XKR6: variants seen among roughly 807,000 people sequenced by gnomAD.
The protein encoded by XKR6 is XK-related protein 6.
XKR6 carries 22 observed loss-of-function variants against 56.7 expected under a neutral mutation model. That is an observed-to-expected ratio of 0.39 (90% CI 0.28 to 0.55). The LOEUF is 0.55. Ranked by LOEUF, XKR6 falls within the 20% of genes least tolerant of loss-of-function variation. The pLI is 0.66. For missense variants in XKR6, 852 were observed against 889.0 expected (o/e 0.96, Z 0.53); for synonymous variants, 524 against 387.8 (o/e 1.35, Z -4.13).
At chr8:11,158,163 G>A (rs544261037) in intron 1 of XKR6, among the ~76,000 whole-genome samples, 3 of 152,174 alleles carry the variant, frequency 2.0e-5, no homozygotes, top group African/African-American at 4.8e-5. Flanking sequence ...AGTGGGGAAA[G>A]GCAATAATCA....
intron 1 of XKR6, among the ~76,000 whole-genome samples, chr8:11,142,714 T>C (rs964944995): frequency 6.6e-6 from 1 of 152,204 alleles, no homozygotes; most frequent in South Asian, 2.1e-4. Context: ...GCCATGCTTC[T>C]TGTACAGCCT....
At chr8:10,905,914 C>T (rs958025851) in intron 2 of XKR6, among the ~76,000 whole-genome samples, 6 of 152,150 alleles carry the variant, frequency 3.9e-5, no homozygotes, top group Non-Finnish European at 7.3e-5. Flanking sequence ...CTCCCGTCCT[C>T]GCCTTCCCAC....
intron 2 of XKR6, among the ~76,000 whole-genome samples, chr8:10,908,706 C>T (rs1800254284): frequency 6.6e-6 from 1 of 152,132 alleles, no homozygotes; most frequent in Admixed American, 6.5e-5. Context: ...TGAATGTGTC[C>T]CCCAAAAATT....
intron 1 of XKR6, among the ~76,000 whole-genome samples, chr8:11,087,286 C>A (rs879352237): frequency 6.6e-6 from 1 of 152,156 alleles, no homozygotes; most frequent in Non-Finnish European, 1.5e-5. Context: ...ATTGGTGAAC[C>A]GTCCACATGC....
intron 1 of XKR6, among the ~76,000 whole-genome samples, chr8:10,955,213 G>C (rs763635738): frequency 8.6e-5 from 13 of 151,854 alleles, no homozygotes; most frequent in Non-Finnish European, 1.8e-4. Context: ...TGTGATTATG[G>C]CAATGCAAGA....
chr8:11,060,850 T>G (rs150779879), intron 1 of XKR6, among the ~76,000 whole-genome samples: 1 of 152,238 alleles, frequency 6.6e-6, no homozygotes, highest in Non-Finnish European at 1.5e-5. Context: ...ATTCCAGTGA[T>G]AGCAAGTGTG....
intron 1 of XKR6, among the ~76,000 whole-genome samples, chr8:11,131,701 T>C (rs985220442): frequency 6.6e-6 from 1 of 152,176 alleles, no homozygotes; most frequent in Admixed American, 6.5e-5. Context: ...ACATATCTAA[T>C]GGTGGTCCCA....
At chr8:10,908,657 C>T (rs1237250426) in intron 2 of XKR6, among the ~76,000 whole-genome samples, 3 of 152,116 alleles carry the variant, frequency 2.0e-5, no homozygotes. Context: ...AGGCCCTCCC[C>T]GACCACCACA....
intron 1 of XKR6, among the ~76,000 whole-genome samples, chr8:10,997,240 A>G (rs1798134678): frequency 6.6e-6 from 1 of 152,182 alleles, no homozygotes; most frequent in Non-Finnish European, 1.5e-5. Flanking sequence ...TGCTCAGCCC[A>G]ACAACACACC....
At chr8:11,136,626 T>A (rs1800417391) in intron 1 of XKR6, among the ~76,000 whole-genome samples, 1 of 152,086 alleles carries the variant, frequency 6.6e-6, no homozygotes, top group African/African-American at 2.4e-5. Context: ...TGAGTGGGAT[T>A]AGTACCCTAT....
At chr8:11,049,436 G>T (rs993707202) in intron 1 of XKR6, among the ~76,000 whole-genome samples, 1 of 152,180 alleles carries the variant, frequency 6.6e-6, no homozygotes, top group African/African-American at 2.4e-5. Context: ...CCCGGGGCTG[G>T]CTGCTCCCTG....
intron 1 of XKR6, among the ~76,000 whole-genome samples, chr8:10,978,637 A>C (rs903092287): frequency 1.3e-5 from 2 of 152,214 alleles, no homozygotes; most frequent in South Asian, 4.1e-4. Context: ...TCTGCCCTTA[A>C]CATAGATGGA....
chr8:11,149,133 A>G (rs1326487941), intron 1 of XKR6, among the ~76,000 whole-genome samples: 1 of 152,182 alleles, frequency 6.6e-6, no homozygotes, highest in Non-Finnish European at 1.5e-5. Context: ...TGGAATCAGG[A>G]GCCCGTGGGA....
At chr8:11,190,538 A>T (rs189999257) in intron 1 of XKR6, among the ~76,000 whole-genome samples, 4 of 152,350 alleles carry the variant, frequency 2.6e-5, no homozygotes, top group Admixed American at 2.6e-4. Context: ...AGAGGTATTA[A>T]TATTACTCAG....
chr8:10,909,318 T>A lies in XKR6; in HGVS notation c.962-10402A>T, dbSNP rs192753769. Among the ~76,000 whole-genome samples the A allele has an allele frequency of 1.2e-4, 18 of 152,306 alleles. No individual in the cohort carries two copies. In the East Asian group the frequency reaches 3.3e-3, roughly 28 times the overall value. ...TCCAAAACCATGAGCCAAATACGCTTCTATTCTTCATAAATTACCCAGTCT... is the reference window on the plus strand; with the variant it reads ...TCCAAAACCATGAGCCAAATACGCTACTATTCTTCATAAATTACCCAGTCT... On this transcript the variant is annotated intron_variant, in intron 2 of 2. Coordinates refer to ENST00000416569, the MANE Select transcript of XKR6 (RefSeq NM_173683.4).
chr8:11,000,671 C>A (rs550520352), intron 1 of XKR6, among the ~76,000 whole-genome samples: 3 of 152,206 alleles, frequency 2.0e-5, no homozygotes, highest in African/African-American at 4.8e-5. Context: ...GGCAAGAGAG[C>A]CAGACTCTAT....
At chr8:11,098,397 C>T (rs1055175790) in intron 1 of XKR6, among the ~76,000 whole-genome samples, 2 of 152,126 alleles carry the variant, frequency 1.3e-5, no homozygotes, top group Non-Finnish European at 2.9e-5. Flanking sequence ...ACTCGGTGAA[C>T]TTGAGGTCCT....
chr8:11,177,881 T>C (rs1285442691), intron 1 of XKR6, among the ~76,000 whole-genome samples: 1 of 152,248 alleles, frequency 6.6e-6, no homozygotes, highest in Non-Finnish European at 1.5e-5. Context: ...AAATACTTTG[T>C]GATGGTAGTC....
chr8:11,035,415 A>G, intron 1 of XKR6: 2 of 501,530 alleles, frequency 4.0e-6, no homozygotes, highest in Non-Finnish European at 8.1e-6. Context: ...CAGGAAAGAG[A>G]GAAGATTAAG....
Sources: allele counts gnomAD v4.1 joint callset (sites outside exome capture counted in the v4.1 genomes callset), GRCh38; gene constraint gnomAD v4.1.1; transcripts MANE v1.5; gene names NCBI Gene and HGNC (gene_info 2026-07-23, HGNC 2026-07-21).